The following TRPM3 variants were observed in gnomAD, a reference collection of about 807,000 sequenced individuals.
The protein encoded by TRPM3 is long transient receptor potential channel 3.
Under a neutral mutation model 181.2 loss-of-function variants are expected in TRPM3, and 77 were observed. The observed-to-expected ratio is 0.42, with a 90% CI of 0.35 to 0.51. TRPM3 has a LOEUF of 0.51. TRPM3 is among the 20% of genes least tolerant of loss of function. TRPM3 has a pLI of 0.01. For missense variants in TRPM3, 1,759 were observed against 2,196.7 expected, an observed-to-expected ratio of 0.80 and a Z score of 3.98; for synonymous variants, 745 against 796.4, an observed-to-expected ratio of 0.94 and a Z score of 1.09.
intron 22 of TRPM3, among the ~76,000 whole-genome samples, chr9:70,576,449 G>A (rs117999196): frequency 2.6e-5 from 4 of 151,224 alleles, no homozygotes; most frequent in East Asian, 3.9e-4. Context: ...ACGCCAACTT[G>A]AGCTGCTGCT....
At chr9:70,946,273 G>A (rs980030812) in intron 1 of TRPM3, among the ~76,000 whole-genome samples, 1 of 151,860 alleles carries the variant, frequency 6.6e-6, no homozygotes. Flanking sequence ...CCAAAGTGCT[G>A]GGATTAAAGA....
intron 1 of TRPM3, among the ~76,000 whole-genome samples, chr9:71,417,124 C>T (rs1196775121): frequency 1.3e-5 from 2 of 151,906 alleles, no homozygotes; most frequent in Non-Finnish European, 2.9e-5. Flanking sequence ...CTGCTAAGAA[C>T]ATTTATGTGA....
chr9:71,205,126 A>G lies in TRPM3; in HGVS notation c.183+241527T>C, dbSNP rs550127896. On this transcript the variant is annotated intron_variant, in intron 1 of 24. Transcript: ENST00000357533. ...ATACCTAATGTTAAATGATGAGTTAATGGGTGCAGCACACCAGCATGGCAC... is the reference window on the plus strand; with the variant it reads ...ATACCTAATGTTAAATGATGAGTTAGTGGGTGCAGCACACCAGCATGGCAC... Among the ~76,000 whole-genome samples, 7 of 152,182 alleles carry G rather than the reference A, an allele frequency of 4.6e-5. No homozygotes were observed. The East Asian group carries it at 1.4e-3, about 29-fold the overall frequency.
intron 9 of TRPM3, among the ~76,000 whole-genome samples, chr9:70,673,775 A>C (rs2063431118): frequency 1.3e-5 from 2 of 151,974 alleles, no homozygotes; most frequent in Admixed American, 1.3e-4. Context: ...GAAAATACAA[A>C]AAAAATAAAA....
chr9:70,869,108 A>AAAAAGTC, intron 1 of TRPM3: 1 of 964,692 alleles, frequency 1.0e-6, no homozygotes, highest in Non-Finnish European at 1.2e-6. Flanking sequence ...CACTGGAAAA[A>AAAAAGTC]AAAAGTCACT....
chr9:70,548,051 C>T (rs530889415), intron 25 of TRPM3, among the ~76,000 whole-genome samples: 1 of 152,308 alleles, frequency 6.6e-6, no homozygotes, highest in South Asian at 2.1e-4. Context: ...CCCTCCAGGT[C>T]TATGGCTTTT....
rs1564564716 is a variant in TRPM3 at position 70,846,526 on chromosome 9, C to T, written c.528G>A (p.Gln176=). ...AGATGAGAAGCTTGGGAAGCTCCAA[C>T]TGCCATTCCTTGGTCATCAGGTGTA... The part of the protein sequence containing the change: ...LLLHLMTKEW[Q]LELPKLLISV... Residue 176 remains glutamine (Q), a synonymous_variant, in exon 4 of 26, where the codon CAG becomes CAA. Coordinates refer to ENST00000677713, the MANE Select transcript of TRPM3 (RefSeq NM_001366145.2). The T allele has an allele frequency of 3.7e-6, 6 of 1,614,124 alleles. No homozygotes were observed. The highest frequency in any genetic ancestry group is 1.3e-5 in the African/African-American group (1 of 75,020).
intron 1 of TRPM3, among the ~76,000 whole-genome samples, chr9:71,276,829 C>A (rs1275402685): frequency 1.3e-5 from 2 of 151,980 alleles, no homozygotes; most frequent in Non-Finnish European, 2.9e-5. Flanking sequence ...CTATATGTAC[C>A]AGGAAATATG....
intron 1 of TRPM3, among the ~76,000 whole-genome samples, chr9:71,428,288 G>T (rs1178269873): frequency 6.7e-6 from 1 of 148,236 alleles, no homozygotes; most frequent in Admixed American, 6.7e-5. Context: ...TTGAGATGGG[G>T]TTTCACCAAG....
chr9:70,587,160 G>T (rs1397621249), intron 22 of TRPM3, among the ~76,000 whole-genome samples: 1 of 152,180 alleles, frequency 6.6e-6, no homozygotes, highest in Non-Finnish European at 1.5e-5. Context: ...AAGTAGATTG[G>T]ATAGCTAATT....
intron 1 of TRPM3, among the ~76,000 whole-genome samples, chr9:71,061,184 T>C (rs1047730003): frequency 2.6e-5 from 4 of 152,244 alleles, no homozygotes; most frequent in African/African-American, 7.2e-5. Context: ...TGTGGCTGAC[T>C]TGTTACGAGC....
At chr9:70,885,201 C>T (rs2096065924) in intron 1 of TRPM3, among the ~76,000 whole-genome samples, 1 of 152,174 alleles carries the variant, frequency 6.6e-6, no homozygotes, top group African/African-American at 2.4e-5. Flanking sequence ...CAGGATTTCT[C>T]AACTCGGTAT....
chr9:71,148,632 C>A (rs907340287), intron 1 of TRPM3, among the ~76,000 whole-genome samples: 1 of 152,094 alleles, frequency 6.6e-6, no homozygotes, highest in Non-Finnish European at 1.5e-5. Context: ...GAATTTTATA[C>A]CCAGCCAAGT....
At position 70,619,190 on chromosome 9, in the gene TRPM3, T is replaced by C. The variant is rs565167925; in HGVS notation, c.2130-95A>G. 19 of 996,616 alleles carry C rather than the reference T, an allele frequency of 1.9e-5. No homozygotes were observed. The African/African-American group carries it at 3.1e-4, about 16-fold the overall frequency. 61.7% of individuals were successfully genotyped at this position (996,616 alleles called of 1,614,324 possible). ...CTGGCCAACCAGAAAATGGGGTCACTGGATGATGTAGGTGTTTCATATGGG... is the reference window on the plus strand; with the variant it reads ...CTGGCCAACCAGAAAATGGGGTCACCGGATGATGTAGGTGTTTCATATGGG... On this transcript the variant is annotated intron_variant, in intron 16 of 25. Coordinates refer to ENST00000677713, the MANE Select transcript of TRPM3 (RefSeq NM_001366145.2).
chr9:71,100,293 A>G (rs1421919302), intron 1 of TRPM3, among the ~76,000 whole-genome samples: 1 of 152,122 alleles, frequency 6.6e-6, no homozygotes, highest in Non-Finnish European at 1.5e-5. Flanking sequence ...CTAAATGAGT[A>G]GACAATCCAT....
intron 6 of TRPM3, among the ~76,000 whole-genome samples, chr9:70,793,960 C>T (rs143603750): frequency 1.2e-4 from 18 of 152,216 alleles, no homozygotes; most frequent in East Asian, 1.2e-3. Flanking sequence ...GGCTGTGCTA[C>T]GATGTTTGGC....
intron 21 of TRPM3, among the ~76,000 whole-genome samples, chr9:70,596,229 G>T (rs1175822793): frequency 6.6e-6 from 1 of 151,968 alleles, no homozygotes; most frequent in Non-Finnish European, 1.5e-5. Flanking sequence ...GTCTCAAAGG[G>T]GTTTAAATAA....
intron 1 of TRPM3, among the ~76,000 whole-genome samples, chr9:71,386,073 G>T (rs1255994026): frequency 3.9e-5 from 6 of 152,128 alleles, no homozygotes; most frequent in Non-Finnish European, 8.8e-5. Context: ...AAGTGGCAAT[G>T]CAAAGAATAG....
At chr9:70,686,125 C>A (rs763673107) in intron 8 of TRPM3, among the ~76,000 whole-genome samples, 3 of 151,104 alleles carry the variant, frequency 2.0e-5, no homozygotes, top group Non-Finnish European at 4.4e-5. Flanking sequence ...TATATACACA[C>A]ACATATGTAA....
Sources: gnomAD v4.1 joint callset for allele counts (sites outside exome capture counted in the v4.1 genomes callset) on GRCh38, gnomAD v4.1.1 for gene constraint, MANE v1.5 for transcripts, NCBI Gene and HGNC (gene_info 2026-07-23, HGNC 2026-07-21) for gene names.